AGPAT3: variants seen among roughly 807,000 people sequenced by gnomAD.
AGPAT3 encodes the protein 1-acyl-sn-glycerol-3-phosphate acyltransferase gamma.
In AGPAT3, 5 loss-of-function variants were observed where a neutral mutation model predicts 47.3. That is an observed-to-expected ratio of 0.11 (90% CI 0.06 to 0.22). The LOEUF (loss-of-function observed/expected upper bound fraction) is 0.22, where lower values mean the gene tolerates loss of function less well. Ranked by LOEUF, AGPAT3 falls within the 10% of genes least tolerant of loss-of-function variation. AGPAT3 has a pLI of 1.00. For synonymous variants in AGPAT3, 212 were observed against 208.3 expected, an observed-to-expected ratio of 1.02 and a Z score of -0.15; for missense variants, 315 against 493.0, an observed-to-expected ratio of 0.64 and a Z score of 3.42.
At position 43,922,742 on chromosome 21, in the gene AGPAT3, G is replaced by C. The variant is rs1403912741; in HGVS notation, c.-49+18723G>C. ...AGCCATGTGCCAGGCAGGGCACTCC[G>C]TCAGTGTAGGGTCTCCCAGCACAGG... On this transcript the variant is annotated intron_variant, in intron 2 of 9. Transcript: ENST00000291572. This position sits in a 1 kb window ranked among gnomAD's most constrained non-coding sequence, Gnocchi z 4.9. Among the ~76,000 whole-genome samples the C allele has an allele frequency of 6.6e-6, 1 of 151,908 alleles. No individual in the cohort carries two copies. The highest frequency in any genetic ancestry group is 2.4e-5 in the African/African-American group (1 of 41,434).
chr21:43,904,706 C>T (rs2086446380), intron 2 of AGPAT3, among the ~76,000 whole-genome samples: 1 of 152,190 alleles, frequency 6.6e-6, no homozygotes, highest in African/African-American at 2.4e-5. Flanking sequence ...CCCCTGCCCA[C>T]TGCTCCCATG....
intron 1 of AGPAT3, chr21:43,867,476 T>C (rs747262001): frequency 3.9e-5 from 6 of 152,316 alleles, no homozygotes; most frequent in Non-Finnish European, 7.3e-5. Flanking sequence ...ACATTTACCC[T>C]GTTCATCAAT....
rs147143194 is a variant in AGPAT3 at position 43,935,730 on chromosome 21, C to T, written c.-48-23904C>T. On this transcript the variant is annotated intron_variant, in intron 2 of 9. Coordinates refer to ENST00000291572, the MANE Select transcript of AGPAT3 (RefSeq NM_020132.5). The stretch of plus-strand genomic sequence containing the variant: ...AAGGGATTTTTTTTTTTCCTTATCA[C>T]GAGAAAGGCAGTGACCCAGGCGTGG... Among the ~76,000 whole-genome samples, 826 of 151,860 alleles carry T rather than the reference C, an allele frequency of 5.4e-3. 7 individuals are homozygous for T. Among genetic ancestry groups the T allele is most frequent in the African/African-American group, 0.019 (777 of 41,408 alleles).
At chr21:43,919,030 A>G (rs2086827670) in intron 2 of AGPAT3, among the ~76,000 whole-genome samples, 1 of 151,858 alleles carries the variant, frequency 6.6e-6, no homozygotes, top group Non-Finnish European at 1.5e-5. Context: ...AGACTGGGTG[A>G]AGTTTGTTTT....
intron 1 of AGPAT3, among the ~76,000 whole-genome samples, chr21:43,886,476 T>A (rs1250475643): frequency 6.6e-6 from 1 of 152,120 alleles, no homozygotes; most frequent in Non-Finnish European, 1.5e-5. Context: ...GGTCTCGAAC[T>A]CCTGACCTCA....
chr21:43,889,042 T>A (rs374761798), intron 1 of AGPAT3, among the ~76,000 whole-genome samples: 9 of 152,334 alleles, frequency 5.9e-5, no homozygotes, highest in African/African-American at 2.2e-4. Flanking sequence ...GTACATTATT[T>A]CAGATTTTTA....
At chr21:43,927,773 G>T (rs899890446) in intron 2 of AGPAT3, among the ~76,000 whole-genome samples, 14 of 152,196 alleles carry the variant, frequency 9.2e-5, no homozygotes, top group Non-Finnish European at 1.3e-4. Flanking sequence ...ACCTCTCTGT[G>T]CCTCAGTCTC....
At chr21:43,975,845 G>C (rs2089600458) in intron 7 of AGPAT3, among the ~76,000 whole-genome samples, 1 of 152,178 alleles carries the variant, frequency 6.6e-6, no homozygotes, top group African/African-American at 2.4e-5. Flanking sequence ...GTCCCCACCT[G>C]GTGGCACGGG....
intron 2 of AGPAT3, among the ~76,000 whole-genome samples, chr21:43,915,464 T>C (rs2086707855): frequency 8.0e-6 from 1 of 125,324 alleles, no homozygotes. Flanking sequence ...CAGGCTGGAG[T>C]GCAGTGGTGC....
chr21:43,894,243 A>G (rs1232437351), intron 1 of AGPAT3, among the ~76,000 whole-genome samples: 1 of 147,280 alleles, frequency 6.8e-6, no homozygotes, highest in African/African-American at 2.5e-5. Context: ...TAACTTCTCT[A>G]AAAGAGTTTA....
Position 43,938,276 on chromosome 21 carries a change from G to A in AGPAT3, c.-48-21358G>A, listed in dbSNP as rs143322623. 5.6e-3 allele frequency among the ~76,000 whole-genome samples: 837 copies of A among 148,544 alleles called. 27 individuals are homozygous for A. Among genetic ancestry groups the A allele is most frequent in the Admixed American group, 0.053 (788 of 14,920 alleles). On this transcript the variant is annotated intron_variant, in intron 2 of 9. Coordinates refer to ENST00000291572, the MANE Select transcript of AGPAT3 (RefSeq NM_020132.5). ...GGATAGAAGGAACGTACTGAGGAAC[G>A]TACTGAGGATTAGAAGTCAGAATTC...
At chr21:43,904,446 G>T (rs902424976) in intron 2 of AGPAT3, among the ~76,000 whole-genome samples, 1 of 152,166 alleles carries the variant, frequency 6.6e-6, no homozygotes, top group African/African-American at 2.4e-5. Flanking sequence ...TCTGGGATGG[G>T]GCAGAGGTGT....
At chr21:43,873,096 G>C (rs1474869721) in intron 1 of AGPAT3, among the ~76,000 whole-genome samples, 1 of 152,240 alleles carries the variant, frequency 6.6e-6, no homozygotes, top group Non-Finnish European at 1.5e-5. Context: ...GGAATGGCAG[G>C]AGCTGCAGGG....
intron 2 of AGPAT3, among the ~76,000 whole-genome samples, chr21:43,931,684 A>C (rs2087250398): frequency 1.3e-5 from 2 of 152,160 alleles, no homozygotes; most frequent in Non-Finnish European, 2.9e-5. Flanking sequence ...GAGCATCCCC[A>C]GCCACCGGCA....
At chr21:43,885,133 C>T (rs557388994) in intron 1 of AGPAT3, among the ~76,000 whole-genome samples, 5 of 152,344 alleles carry the variant, frequency 3.3e-5, no homozygotes, top group East Asian at 1.9e-4. Context: ...CCTCACCCTG[C>T]GGCTAGACCT....
chr21:43,866,845 G>T (rs567443381), intron 1 of AGPAT3, among the ~76,000 whole-genome samples: 11 of 152,356 alleles, frequency 7.2e-5, no homozygotes, highest in Admixed American at 3.3e-4. Context: ...CTGTCCTGGC[G>T]TATCTGCCAG....
In AGPAT3 at chr21:43,884,832, T is replaced by C. The variant is rs190789053; in HGVS notation, c.-111-19125T>C. 3.2e-4 allele frequency among the ~76,000 whole-genome samples: 48 copies of C among 152,268 alleles called. 2 individuals carry two copies. In the East Asian group the frequency reaches 8.7e-3, roughly 28 times the overall value. ...GGCAGGGCTATCTGTGGGTCTGCCC[T>C]TGGGTGTGGGGCAAGCCAGGTCAGC... On this transcript the variant is annotated intron_variant, in intron 1 of 9. Transcript: ENST00000291572.
chr21:43,919,827 CG>C (rs1569064434), intron 2 of AGPAT3: 1 of 152,244 alleles, frequency 6.6e-6, no homozygotes, highest in African/African-American at 2.4e-5. Flanking sequence ...ATTTGCATGT[CG>C]TCCTTCTGCA....
chr21:43,901,339 A>T (rs1324568848), intron 1 of AGPAT3, among the ~76,000 whole-genome samples: 2 of 148,940 alleles, frequency 1.3e-5, no homozygotes. Flanking sequence ...AAAAAAAAAA[A>T]GAGAAGAGAA....
Sources: gnomAD v4.1 joint callset for allele counts (sites outside exome capture counted in the v4.1 genomes callset) on GRCh38, gnomAD v4.1.1 for gene constraint, Gnocchi (gnomAD v3.1) non-coding constraint, MANE v1.5 for transcripts, NCBI Gene and HGNC (gene_info 2026-07-23, HGNC 2026-07-21) for gene names.